OXTR: variants seen among roughly 807,000 people sequenced by gnomAD.
The protein encoded by OXTR is oxytocin receptor.
OXTR carries 19 observed loss-of-function variants against 23.9 expected under a neutral mutation model. The ratio of observed to expected loss-of-function variants is 0.80; its 90% CI spans 0.56 to 1.17. OXTR has a LOEUF of 1.17. Among genes scored for constraint, OXTR ranks in the 50% most tolerant of loss-of-function variants. The pLI, the probability that OXTR is intolerant of heterozygous loss-of-function variation, is 0.00. For missense variants in OXTR, 500 were observed against 550.7 expected (o/e 0.91, Z 0.92); for synonymous variants, 278 against 250.5 (o/e 1.11, Z -1.04).
At chr3:8,765,933 A>AT (rs1708596915) in intron 3 of OXTR, among the ~76,000 whole-genome samples, 1 of 152,186 alleles carries the variant, frequency 6.6e-6, no homozygotes, top group Non-Finnish European at 1.5e-5. Context: ...GGAGTCTGTG[A>AT]TTTTCAGAAA....
At position 8,768,020 on chromosome 3, in the gene OXTR, C is replaced by T. The variant is rs1575492261; in HGVS notation, c.168G>A (p.Gly56=). ...GCAGCGCCAGCAGCACACACGCGTT[C>T]CCGCTCAGCGCCAGGAGCAGGATGA... ...LCLILLLALS[G]NACVLLALRT... Residue 56 remains glycine (G), a synonymous_variant, in exon 3 of 4, where the codon GGG becomes GGA. Coordinates refer to ENST00000316793, the MANE Select transcript of OXTR (RefSeq NM_000916.4). The surrounding 1 kb of genome is among the most constrained non-coding windows in gnomAD (Gnocchi z 5.4). 1 of 1,605,670 alleles carries T rather than the reference C, an allele frequency of 6.2e-7. No individual in the cohort carries two copies. The highest frequency in any genetic ancestry group is 2.3e-5 in the East Asian group (1 of 44,358).
In OXTR at chr3:8,757,180, C is replaced by T. The variant is rs144731267; in HGVS notation, c.923-3956G>A. On this transcript the variant is annotated intron_variant, in intron 3 of 3. Transcript: ENST00000316793. ...AGTTTCCTTATCTGTAGCATGGAGG[C>T]GGCACTCATAAGGCTATTGAGAAAA... 4.3e-4 allele frequency among the ~76,000 whole-genome samples: 65 copies of T among 151,600 alleles called. 1 individual carries two copies. The Middle Eastern group carries it at 0.01, about 24-fold the overall frequency.
intron 3 of OXTR, among the ~76,000 whole-genome samples, chr3:8,766,214 T>G (rs1333288436): frequency 6.6e-6 from 1 of 152,118 alleles, no homozygotes; most frequent in African/African-American, 2.4e-5. Flanking sequence ...CCCCTCCTGG[T>G]CTTTCCAAAT....
intron 3 of OXTR, among the ~76,000 whole-genome samples, chr3:8,754,526 C>G (rs1708336781): frequency 6.6e-6 from 1 of 152,182 alleles, no homozygotes; most frequent in South Asian, 2.1e-4. Flanking sequence ...GAGTTCAGAG[C>G]TAAATCCAGG....
chr3:8,762,185 G>A (rs78519233), intron 3 of OXTR, among the ~76,000 whole-genome samples: 4,068 of 152,160 alleles, frequency 0.027, 174 homozygotes, highest in African/African-American at 0.092. Context: ...CCTGATCCGA[G>A]GCCCTCCACA....
Position 8,752,969 on chromosome 3 carries a change from C to A in OXTR, c.*8G>T, listed in dbSNP as rs754614354. 42 of 1,607,586 alleles carry A rather than the reference C, an allele frequency of 2.6e-5. 1 individual carries two copies. In the South Asian group the frequency reaches 4.3e-4, roughly 17 times the overall value. On this transcript the variant is annotated 3_prime_UTR_variant, in exon 4 of 4. Coordinates refer to ENST00000316793, the MANE Select transcript of OXTR (RefSeq NM_000916.4). The stretch of plus-strand genomic sequence containing the variant: ...CCTCAGGCTGCAGCCCTGGCCCTGG[C>A]TGGTGGGTCACGCCGTGGATGGCTG...
the OXTR span, chr3:8,742,564 G>T: frequency 6.6e-6 from 3 of 451,724 alleles, no homozygotes; most frequent in Admixed American, 2.4e-5. Context: ...GATGTCAAAA[G>T]AATTTCTCAG....
rs1708626179 is a variant in OXTR at position 8,767,229 on chromosome 3, C to A, written c.922+37G>T. The A allele has an allele frequency of 2.0e-6, 3 of 1,506,814 alleles. No homozygotes were observed. In the South Asian group the frequency reaches 4.1e-5, roughly 21 times the overall value. 93.3% of individuals were successfully genotyped at this position (1,506,814 alleles called of 1,614,324 possible). On this transcript the variant is annotated intron_variant, in intron 3 of 3. Transcript: ENST00000316793. ...CAAGATAAGGGCCTCCCCCAGCCAC[C>A]AGGCTCCCTCCTCCTGGGTCTCCCA...
downstream of OXTR, chr3:8,746,797 TCTCACACACA>T (rs1341408146): frequency 0.021 from 2,791 of 133,074 alleles, 45 homozygotes; most frequent in Non-Finnish European, 0.037. Context: ...TCTCTCTCTC[TCTCACACACA>T]CACACACACA....
At chr3:8,742,359 C>CAAAA in the OXTR span, 2 of 134,966 alleles carry the variant, frequency 1.5e-5, no homozygotes, top group Non-Finnish European at 2.7e-5. Flanking sequence ...TCTGCAAACA[C>CAAAA]CAAAAAAAAA....
intron 3 of OXTR, among the ~76,000 whole-genome samples, chr3:8,760,901 G>GT (rs1408461503): frequency 1.6e-5 from 2 of 122,796 alleles, no homozygotes; most frequent in Non-Finnish European, 3.5e-5. Context: ...CCAGGTATTA[G>GT]TTTAAAAAGC....
chr3:8,765,066 A>G (rs1003463642), intron 3 of OXTR, among the ~76,000 whole-genome samples: 2 of 152,248 alleles, frequency 1.3e-5, no homozygotes, highest in African/African-American at 4.8e-5. Context: ...TCAGAGGACC[A>G]CAAACACTCA....
downstream of OXTR, among the ~76,000 whole-genome samples, chr3:8,747,885 T>A (rs17049505): frequency 0.091 from 13,785 of 152,238 alleles, 704 homozygotes; most frequent in African/African-American, 0.11. Context: ...TGACTCCAAT[T>A]TTTCAAGCTC....
At chr3:8,760,965 G>T (rs1368622583) in intron 3 of OXTR, among the ~76,000 whole-genome samples, 1 of 152,208 alleles carries the variant, frequency 6.6e-6, no homozygotes, top group African/African-American at 2.4e-5. Flanking sequence ...TTGCCCCTTA[G>T]TGAACTTTTG....
downstream of OXTR, among the ~76,000 whole-genome samples, chr3:8,748,823 C>T (rs1304239903): frequency 6.6e-6 from 1 of 152,224 alleles, no homozygotes; most frequent in Non-Finnish European, 1.5e-5. Context: ...GCATTGTCCC[C>T]TTACATTTCC....
At chr3:8,758,443 C>G (rs1445535483) in intron 3 of OXTR, among the ~76,000 whole-genome samples, 1 of 152,210 alleles carries the variant, frequency 6.6e-6, no homozygotes, top group African/African-American at 2.4e-5. Context: ...AGAAACCAAT[C>G]ATTTGCCACA....
rs1249122640 is a variant in OXTR, at chr3:8,752,277, A to ATTT, written c.*697_*699dup. The ATTT allele has an allele frequency of 1.3e-5, 2 of 150,822 alleles. No individual in the cohort carries two copies. The highest frequency in any genetic ancestry group is 4.9e-5 in the African/African-American group (2 of 40,830). 9.3% of individuals were successfully genotyped at this position (150,822 alleles called of 1,614,324 possible). On this transcript the variant is annotated 3_prime_UTR_variant, in exon 4 of 4. Coordinates refer to ENST00000316793, the MANE Select transcript of OXTR (RefSeq NM_000916.4). ...TGTGTGTGTGTGTGAGTTCCTTAGG[A>ATTT]TTTTCTATATACAAAACTGTGTCAT...
At chr3:8,754,599 G>C (rs1391154539) in intron 3 of OXTR, among the ~76,000 whole-genome samples, 1 of 152,208 alleles carries the variant, frequency 6.6e-6, no homozygotes, top group African/African-American at 2.4e-5. Flanking sequence ...CTGATGAAGA[G>C]AACAGAGATG....
chr3:8,761,741 C>T (rs1276350462), intron 3 of OXTR, among the ~76,000 whole-genome samples: 1 of 152,214 alleles, frequency 6.6e-6, no homozygotes, highest in African/African-American at 2.4e-5. Context: ...GTGGTGGCTG[C>T]TGTTACCAAC....
Sources: gnomAD v4.1 joint callset for allele counts (sites outside exome capture counted in the v4.1 genomes callset) on GRCh38, gnomAD v4.1.1 for gene constraint, Gnocchi (gnomAD v3.1) non-coding constraint, MANE v1.5 for transcripts, NCBI Gene and HGNC (gene_info 2026-07-23, HGNC 2026-07-21) for gene names.